Variants in USP4 observed in about 807,000 individuals in gnomAD.
USP4 encodes ubiquitin specific peptidase 4, also known as ubiquitin carboxyl-terminal hydrolase 4.
Under a neutral mutation model 118.2 loss-of-function variants are expected in USP4, and 72 were observed. That is an observed-to-expected ratio of 0.61 (90% CI 0.50 to 0.74). The LOEUF (loss-of-function observed/expected upper bound fraction) is 0.74, where lower values mean the gene tolerates loss of function less well. Ranked by LOEUF, USP4 falls within the 30% of genes least tolerant of loss-of-function variation. The pLI, the probability that USP4 is intolerant of heterozygous loss-of-function variation, is 0.00. For missense variants in USP4, 1,037 were observed against 1,185.7 expected, an observed-to-expected ratio of 0.87 and a Z score of 1.84; for synonymous variants, 415 against 440.4, an observed-to-expected ratio of 0.94 and a Z score of 0.72.
At chr3:49,333,662 C>G (rs536142029) in intron 2 of USP4, among the ~76,000 whole-genome samples, 1 of 152,160 alleles carries the variant, frequency 6.6e-6, no homozygotes, top group African/African-American at 2.4e-5. Flanking sequence ...AGCGAGAATA[C>G]ACACAATAAT....
At chr3:49,333,532 C>T (rs957402575) in intron 2 of USP4, among the ~76,000 whole-genome samples, 1 of 152,186 alleles carries the variant, frequency 6.6e-6, no homozygotes, top group Non-Finnish European at 1.5e-5. Flanking sequence ...CTCCTTTTCA[C>T]TTGAACATTT....
intron 3 of USP4, among the ~76,000 whole-genome samples, chr3:49,327,300 G>C (rs1048761552): frequency 1.3e-5 from 2 of 152,106 alleles, no homozygotes; most frequent in Non-Finnish European, 2.9e-5. Context: ...CACTTTGGGG[G>C]GCCGAGTCGG....
chr3:49,333,133 C>T (rs2047637221), intron 2 of USP4, among the ~76,000 whole-genome samples: 2 of 149,030 alleles, frequency 1.3e-5, no homozygotes, highest in African/African-American at 4.9e-5. Context: ...CATGTGTTCA[C>T]TAGAGTAGCA....
At chr3:49,325,589 A>G (rs1266107822) in intron 4 of USP4, 130 bp downstream of exon 4, 1 of 1,393,732 alleles carries the variant, frequency 7.2e-7, no homozygotes, top group African/African-American at 1.4e-5. Flanking sequence ...AGGACTGGCA[A>G]CTACAGCTCG....
At position 49,286,154 on chromosome 3, in the gene USP4, T is replaced by C. The variant is rs1483450702; in HGVS notation, c.2144A>G (p.Tyr715Cys). 7.4e-6 allele frequency: 12 copies of C among 1,614,214 alleles called. No individual in the cohort carries two copies. The highest frequency in any genetic ancestry group is 2.2e-5 in the East Asian group (1 of 44,892). ...AAGTGAATTTATGTCAGCTGTTCCA[T>C]AGGAGTTCACAAGACTGAAGGTAAA... ...RLFTFSLVNS[Y>C]GTADINSLAA... Residue 715 changes from tyrosine to cysteine, a missense_variant, in exon 16 of 22, where the codon TAT (tyrosine) becomes TGT (cysteine). Tyr to Cys is a radical substitution (Grantham distance 194, BLOSUM62 -2). Transcript: ENST00000265560.
intron 15 of USP4, among the ~76,000 whole-genome samples, chr3:49,292,212 A>T: frequency 6.6e-6 from 1 of 151,734 alleles, no homozygotes; most frequent in East Asian, 1.9e-4. Context: ...CTTAAGCCCA[A>T]GAGTCTGAAG....
At chr3:49,296,053 C>T (rs1488369407) in intron 13 of USP4, among the ~76,000 whole-genome samples, 1 of 152,052 alleles carries the variant, frequency 6.6e-6, no homozygotes, top group East Asian at 1.9e-4. Flanking sequence ...AGATGCAGGC[C>T]GGGCACAGTG....
intron 10 of USP4, 36 bp downstream of exon 10, chr3:49,302,348 T>A (rs550264639): frequency 6.2e-7 from 1 of 1,602,762 alleles, no homozygotes; most frequent in African/African-American, 1.3e-5. Context: ...GCAGCTTCTT[T>A]GGCATATTAT....
chr3:49,327,644 TGCA>T, intron 3 of USP4, 39 bp downstream of exon 3: 1 of 1,611,696 alleles, frequency 6.2e-7, no homozygotes, highest in Non-Finnish European at 8.5e-7. Context: ...AGAAAGCACC[TGCA>T]GACAGTGACC....
rs765244498 is a variant in USP4, at chr3:49,278,345, C to A, written c.2840G>T (p.Ser947Ile). 6.2e-7 allele frequency: 1 copy of A among 1,614,142 alleles called. No individual in the cohort carries two copies. Among genetic ancestry groups the A allele is most frequent in the Non-Finnish European group, 8.5e-7 (1 of 1,180,046 alleles). ...ATCATCCCCAAAGCCCTGCTGAGAG[C>A]TGCTTGGTCGTGTCCCTCCATCAGA... ...GSSDGGTRPS[S>I]SQQGFGDDEA... is the part of the protein sequence containing the mutation. The change falls in exon 22 of 22, where the codon AGC becomes ATC. Residue 947 changes from serine to isoleucine, a missense_variant. This residue lies in a region of USP4 where 522 missense variants were observed against 592.6 expected (regional missense o/e 0.88). Coordinates refer to ENST00000265560, the MANE Select transcript of USP4 (RefSeq NM_003363.4).
At chr3:49,299,644 G>A (rs1049339269) in intron 11 of USP4, among the ~76,000 whole-genome samples, 5 of 151,756 alleles carry the variant, frequency 3.3e-5, no homozygotes, top group South Asian at 4.2e-4. Context: ...TGCCCGCCTC[G>A]GCCTCCCAAA....
Position 49,286,274 on chromosome 3 carries a change from G to A in USP4, c.2024C>T (p.Ser675Leu). 1 of 1,614,080 alleles carries A rather than the reference G, an allele frequency of 6.2e-7. No homozygotes were observed. The highest frequency in any genetic ancestry group is 8.5e-7 in the Non-Finnish European group (1 of 1,180,020). ...EHQEEGKEQL[S>L]ETEGSGEDEP... ...ATCTTCCCCACTGCCTTCTGTTTCTGAAAGCTGCTCTTTGCCTTCTTCCTG... is the reference window on the plus strand; with the variant it reads ...ATCTTCCCCACTGCCTTCTGTTTCTAAAAGCTGCTCTTTGCCTTCTTCCTG... The change falls in exon 16 of 22, where the codon TCA (serine) becomes TTA (leucine). Residue 675 changes from serine to leucine, a missense_variant. By Grantham distance (145) the Ser-to-Leu change is moderately radical. Coordinates refer to ENST00000265560, the MANE Select transcript of USP4 (RefSeq NM_003363.4).
At chr3:49,281,491 T>TATACACACACAC (rs1242949530) in intron 19 of USP4, among the ~76,000 whole-genome samples, 1 of 126,498 alleles carries the variant, frequency 7.9e-6, no homozygotes, top group Admixed American at 8.2e-5. Context: ...TATATATATA[T>TATACACACACAC]ACACACACAC....
chr3:49,293,328 C>CA (rs1322631142), intron 14 of USP4, among the ~76,000 whole-genome samples: 2 of 152,094 alleles, frequency 1.3e-5, no homozygotes, highest in Non-Finnish European at 2.9e-5. Context: ...GCCTGGCCAA[C>CA]ACGGTGAAAC....
intron 2 of USP4, among the ~76,000 whole-genome samples, chr3:49,333,661 A>G (rs2047642067): frequency 6.6e-6 from 1 of 152,202 alleles, no homozygotes; most frequent in African/African-American, 2.4e-5. Flanking sequence ...CAGCGAGAAT[A>G]CACACAATAA....
chr3:49,317,584 C>T, intron 6 of USP4: 1 of 599,546 alleles, frequency 1.7e-6, no homozygotes, highest in East Asian at 2.8e-5. Flanking sequence ...CTCTGTTGCC[C>T]AGCCTGGAGT....
intron 17 of USP4, 73 bp from the exon 18 acceptor site, chr3:49,284,657 G>T (rs2047074863): frequency 2.1e-6 from 3 of 1,396,810 alleles, no homozygotes; most frequent in Non-Finnish European, 3.0e-6. Context: ...GGCCTACAGA[G>T]GCTCTCCCAC....
At chr3:49,280,613 A>G (rs1201564365) in intron 20 of USP4, 131 bp downstream of exon 20, 1 of 626,332 alleles carries the variant, frequency 1.6e-6, no homozygotes, top group African/African-American at 1.9e-5. Context: ...AATCAGTATG[A>G]AGAAAGCGTG....
At chr3:49,307,800 A>G (rs2047334945) in intron 8 of USP4, among the ~76,000 whole-genome samples, 2 of 151,428 alleles carry the variant, frequency 1.3e-5, no homozygotes, top group African/African-American at 2.4e-5. Context: ...ACAAAACAAA[A>G]CAAAACAAAC....
Sources: allele counts gnomAD v4.1 joint callset (sites outside exome capture counted in the v4.1 genomes callset), GRCh38; gene constraint gnomAD v4.1.1; regional missense constraint gnomAD v4.1.1; transcripts MANE v1.5; gene names NCBI Gene and HGNC (gene_info 2026-07-23, HGNC 2026-07-21).